SMC3: variants seen among roughly 807,000 people sequenced by gnomAD.
SMC3 encodes the protein structural maintenance of chromosomes 3, also known as structural maintenance of chromosomes protein 3.
In SMC3, 20 loss-of-function variants were observed where a neutral mutation model predicts 171.8. The ratio of observed to expected loss-of-function variants is 0.12; its 90% confidence interval spans 0.08 to 0.17. The LOEUF (loss-of-function observed/expected upper bound fraction) is 0.17. Ranked by LOEUF, SMC3 falls within the 10% of genes least tolerant of loss-of-function variation. SMC3 has a pLI of 1.00. For synonymous variants in SMC3, 464 were observed against 451.1 expected (o/e 1.03, Z -0.36); for missense variants, 543 against 1,420.4 (o/e 0.38, Z 9.93).
rs770562769 is a variant in SMC3 at position 110,577,486 on chromosome 10, G to T, written c.264G>T (p.Arg88=). 9 of 1,607,708 alleles carry T rather than the reference G, an allele frequency of 5.6e-6. No individual in the cohort carries two copies. The Admixed American group carries it at 1.5e-4, about 27-fold the overall frequency. ...TTATTTTTGATAATTCAGACAACCG[G>T]TTACCAGTAAGTAACTTTTTTTTTA... ...VEIIFDNSDN[R]LPIDKEEVSL... Residue 88 remains arginine, a synonymous_variant, in exon 5 of 29, where the codon CGG becomes CGT. Transcript: ENST00000361804.
At chr10:110,585,220 T>C (rs1288501720) in intron 13 of SMC3, among the ~76,000 whole-genome samples, 16 of 151,896 alleles carry the variant, frequency 1.1e-4, no homozygotes, top group Admixed American at 9.8e-4. Context: ...CCTCAGGTGA[T>C]CTGCCTGCCT....
At chr10:110,592,956 T>C (rs1861232072) in intron 17 of SMC3, 117 bp from the exon 18 acceptor site, 1 of 902,546 alleles carries the variant, frequency 1.1e-6, no homozygotes, top group African/African-American at 1.6e-5. Flanking sequence ...ACGCCAATCG[T>C]TTTGAAATAT....
chr10:110,603,992 G>A (rs1329759074), intron 28 of SMC3, among the ~76,000 whole-genome samples: 1 of 147,918 alleles, frequency 6.8e-6, no homozygotes, highest in East Asian at 2.0e-4. Flanking sequence ...CTACTTGGGA[G>A]TCTGAGGCAG....
At chr10:110,575,151 A>G (rs1331986694) in intron 3 of SMC3, among the ~76,000 whole-genome samples, 185 bp from the exon 4 acceptor site, 3 of 151,938 alleles carry the variant, frequency 2.0e-5, no homozygotes, top group African/African-American at 7.3e-5. Flanking sequence ...TTCTTATATC[A>G]TTTCCTACCT....
intron 13 of SMC3, among the ~76,000 whole-genome samples, chr10:110,585,933 G>A (rs1209127474): frequency 2.0e-5 from 3 of 152,004 alleles, no homozygotes; most frequent in Non-Finnish European, 4.4e-5. Context: ...AAGTAGCTGG[G>A]ACCACAGGCA....
chr10:110,583,565 A>G lies in SMC3; in HGVS notation c.969+17A>G, dbSNP rs375984750. Reference sequence around the variant, plus strand: ...GAACAAAGGGTAAGTTAAAATGCTAAAAATGAAAGATGTGAATGTTCAGGT... The same window carrying G: ...GAACAAAGGGTAAGTTAAAATGCTAGAAATGAAAGATGTGAATGTTCAGGT... On this transcript the variant is annotated intron_variant, in intron 11 of 28. Transcript: ENST00000361804. The G allele has an allele frequency of 1.7e-5, 28 of 1,612,464 alleles. No individual in the cohort carries two copies. The African/African-American group carries it at 3.3e-4, about 19-fold the overall frequency.
chr10:110,604,366 C>T lies in SMC3; in HGVS notation c.*64C>T. 8.3e-7 allele frequency: 1 copy of T among 1,204,400 alleles called. No homozygotes were observed. Among genetic ancestry groups the T allele is most frequent in the Non-Finnish European group, 1.2e-6 (1 of 810,452 alleles). 74.6% of individuals were successfully genotyped at this position (1,204,400 alleles called of 1,614,324 possible). On this transcript the variant is annotated 3_prime_UTR_variant, in exon 29 of 29. Coordinates refer to ENST00000361804, the MANE Select transcript of SMC3 (RefSeq NM_005445.4). ...GTAATATGATTCTCATACCCAGGAA[C>T]TGTAAATTTAAACCTAAATATTTGG...
At chr10:110,581,634 A>T (rs1861031379) in intron 8 of SMC3, among the ~76,000 whole-genome samples, 1 of 152,096 alleles carries the variant, frequency 6.6e-6, no homozygotes, top group Admixed American at 6.5e-5. Context: ...AAGGATCTTA[A>T]CCCATTTATG....
intron 9 of SMC3, 27 bp downstream of exon 9, chr10:110,582,125 A>C (rs770753304): frequency 6.3e-7 from 1 of 1,579,656 alleles, no homozygotes; most frequent in East Asian, 2.2e-5. Context: ...TGACACTTAA[A>C]ATCAGATTAA....
rs747590114 is a variant in SMC3 at position 110,575,371 on chromosome 10, C to T, written c.166C>T (p.Leu56Phe). Residue 56 changes from leucine (L) to phenylalanine (F), a missense_variant, in exon 4 of 29, where the codon CTT becomes TTT. This residue lies in a region of SMC3 where 146 missense variants were observed against 437.9 expected (regional missense o/e 0.33). Transcript: ENST00000361804. ...QFVLSDEFSH[L>F]RPEQRLALLH... ...TGTTCTCAGTGATGAGTTTAGTCATCTTCGTCCAGAACAGCGGTTGGCTTT... is the reference window on the plus strand; with the variant it reads ...TGTTCTCAGTGATGAGTTTAGTCATTTTCGTCCAGAACAGCGGTTGGCTTT... The T allele has an allele frequency of 6.2e-7, 1 of 1,613,704 alleles. No individual in the cohort carries two copies.
Position 110,598,248 on chromosome 10 carries a change from A to C in SMC3, c.2226A>C (p.Leu742=). Residue 742 remains leucine (L), a synonymous_variant, in exon 20 of 29, where the codon CTA becomes CTC. Transcript: ENST00000361804. ...GCATATTATCAGAAATGAAGATGCT[A>C]AAAGAGAAGAGGCAGCAGTCAGAGA... ...RDSILSEMKM[L]KEKRQQSEKT... The C allele has an allele frequency of 6.2e-7, 1 of 1,614,038 alleles. No individual in the cohort carries two copies. Among genetic ancestry groups the C allele is most frequent in the Non-Finnish European group, 8.5e-7 (1 of 1,179,948 alleles).
At chr10:110,592,264 A>C (rs1590562981) in intron 17 of SMC3, among the ~76,000 whole-genome samples, 2 of 4,864 alleles carry the variant, frequency 4.1e-4, no homozygotes, top group Admixed American at 9.3e-3. Context: ...ACTCCATCTC[A>C]AAAAAAAAAA....
intron 8 of SMC3, 124 bp from the exon 9 acceptor site, chr10:110,581,799 C>T: frequency 1.0e-6 from 1 of 957,654 alleles, no homozygotes; most frequent in Admixed American, 2.1e-5. Context: ...ATTGGGTTAC[C>T]ACATCACATC....
At chr10:110,570,412 G>A (rs1860852775) in intron 2 of SMC3, among the ~76,000 whole-genome samples, 1 of 92,874 alleles carries the variant, frequency 1.1e-5, no homozygotes. Context: ...CCTTGTAGTT[G>A]GGAATAAAGA....
intron 16 of SMC3, 46 bp downstream of exon 16, chr10:110,590,618 A>G: frequency 6.5e-7 from 1 of 1,542,626 alleles, no homozygotes; most frequent in Non-Finnish European, 9.0e-7. Context: ...AGAGGGAATA[A>G]GAATAGCTTA....
At position 110,568,987 on chromosome 10, in the gene SMC3, C is replaced by T; in HGVS notation, c.65C>T (p.Pro22Leu). The T allele has an allele frequency of 6.2e-7, 1 of 1,607,096 alleles. No homozygotes were observed. Among genetic ancestry groups the T allele is most frequent in the Non-Finnish European group, 8.5e-7 (1 of 1,173,884 alleles). ...RSYRDQTIVD[P>L]FSSKHNVIVG... ...TACAGAGATCAAACAATTGTAGATCCCTTCAGTTCAAAACATAATGTGATT... is the reference window on the plus strand; with the variant it reads ...TACAGAGATCAAACAATTGTAGATCTCTTCAGTTCAAAACATAATGTGATT... The change falls in exon 2 of 29, where the codon CCC (proline) becomes CTC (leucine). Residue 22 changes from proline (P) to leucine (L), a missense_variant. This residue lies in a region of SMC3 where 146 missense variants were observed against 437.9 expected (regional missense o/e 0.33). Coordinates refer to ENST00000361804, the MANE Select transcript of SMC3 (RefSeq NM_005445.4).
At chr10:110,578,958 T>C (rs1478171995) in intron 7 of SMC3, among the ~76,000 whole-genome samples, 2 of 152,256 alleles carry the variant, frequency 1.3e-5, no homozygotes, top group East Asian at 3.8e-4. Flanking sequence ...TATTGGCTTA[T>C]GAATGTTGCA....
At chr10:110,588,654 A>G (rs774798458) in intron 13 of SMC3, among the ~76,000 whole-genome samples, 20 of 152,136 alleles carry the variant, frequency 1.3e-4, no homozygotes, top group Non-Finnish European at 2.9e-4. Context: ...GGGTTTTGGT[A>G]ACTTCACTAA....
At chr10:110,584,598 G>T (rs149228003) in intron 13 of SMC3, among the ~76,000 whole-genome samples, 4 of 152,236 alleles carry the variant, frequency 2.6e-5, no homozygotes, top group Non-Finnish European at 5.9e-5. Flanking sequence ...GAGCCTTTAT[G>T]TAGATTAAGT....
Sources: allele counts gnomAD v4.1 joint callset (sites outside exome capture counted in the v4.1 genomes callset), GRCh38; gene constraint gnomAD v4.1.1; regional missense constraint gnomAD v4.1.1; transcripts MANE v1.5; gene names NCBI Gene and HGNC (gene_info 2026-07-23, HGNC 2026-07-21).